Variants in PCNX1 observed in about 807,000 individuals in gnomAD.
PCNX1 encodes pecanex 1.
In PCNX1, 78 loss-of-function variants were observed where a neutral mutation model predicts 242.2. The observed-to-expected ratio is 0.32, with a 90% CI of 0.27 to 0.39. The LOEUF is 0.39. PCNX1 is among the 10% of genes least tolerant of loss of function. PCNX1 has a pLI of 1.00. For missense variants in PCNX1, 2,581 were observed against 2,856.5 expected (o/e 0.90, Z 2.20); for synonymous variants, 1,024 against 1,032.9 (o/e 0.99, Z 0.17).
chr14:71,079,462 C>T (rs1417431132), intron 28 of PCNX1, among the ~76,000 whole-genome samples: 1 of 152,204 alleles, frequency 6.6e-6, no homozygotes, highest in Admixed American at 6.5e-5. Flanking sequence ...CTCCTACCAA[C>T]AGTGTAAAAG....
chr14:70,966,094 G>A (rs1339938071), intron 3 of PCNX1, among the ~76,000 whole-genome samples: 1 of 152,066 alleles, frequency 6.6e-6, no homozygotes, highest in Non-Finnish European at 1.5e-5. Context: ...GACACTTTGG[G>A]GAATGCATTG....
chr14:71,062,923 A>G (rs1321434242), intron 26 of PCNX1, among the ~76,000 whole-genome samples: 3 of 152,168 alleles, frequency 2.0e-5, no homozygotes, highest in Non-Finnish European at 4.4e-5. Flanking sequence ...GATACCTACC[A>G]TTGTATTACC....
At chr14:70,974,495 A>G (rs1356016737) in intron 5 of PCNX1, among the ~76,000 whole-genome samples, 3 of 152,160 alleles carry the variant, frequency 2.0e-5, no homozygotes, top group African/African-American at 7.2e-5. Flanking sequence ...AAATGTTTTT[A>G]GTGCCTGTAT....
chr14:71,105,157 A>G, intron 32 of PCNX1, 78 bp from the exon 33 acceptor site: 1 of 1,081,898 alleles, frequency 9.2e-7, no homozygotes, highest in East Asian at 2.4e-5. Flanking sequence ...TGCAGTTCAG[A>G]ATAGCTGGAA....
chr14:70,938,506 T>C (rs997350938), intron 1 of PCNX1, among the ~76,000 whole-genome samples: 1 of 152,218 alleles, frequency 6.6e-6, no homozygotes, highest in Non-Finnish European at 1.5e-5. Context: ...GATAAGCTTT[T>C]TGATGTGCTG....
rs372546535 is a variant in PCNX1 at position 70,988,685 on chromosome 14, C to G, written c.2430C>G (p.Ile810Met). The change falls in exon 7 of 36, where the codon ATC becomes ATG. Residue 810 changes from isoleucine (I) to methionine (M), a missense_variant. Physicochemically the swap from Ile to Met is conservative, Grantham distance 10. Transcript: ENST00000304743. ...ACCCTACCCCTCCTACATTGCTCAT[C>G]GGATCACCCCTAAGGTATGGTATTT... The part of the protein sequence containing the change: ...GSNPTPPTLL[I>M]GSPLSLQDGQ... The G allele has an allele frequency of 6.2e-7, 1 of 1,613,840 alleles. No homozygotes were observed. The highest frequency in any genetic ancestry group is 8.5e-7 in the Non-Finnish European group (1 of 1,179,828).
intron 2 of PCNX1, among the ~76,000 whole-genome samples, chr14:70,953,656 T>C (rs367547387): frequency 2.5e-4 from 32 of 125,728 alleles, no homozygotes; most frequent in African/African-American, 9.5e-4. Flanking sequence ...TTTTGTGTTT[T>C]TTTCTTTCTT....
Position 71,019,172 on chromosome 14 carries a change from T to A in PCNX1, c.3150+10T>A, listed in dbSNP as rs772448506. On this transcript the variant is annotated intron_variant, in intron 12 of 35. Transcript: ENST00000304743. Reference sequence around the variant, plus strand: ...ATACTCACTGCTTAAGGTACCAGCATCTCTTCTTTTCATGCTACGGAATTA... The same window carrying A: ...ATACTCACTGCTTAAGGTACCAGCAACTCTTCTTTTCATGCTACGGAATTA... 1 of 1,588,968 alleles carries A rather than the reference T, an allele frequency of 6.3e-7. No individual in the cohort carries two copies. Among genetic ancestry groups the A allele is most frequent in the South Asian group, 1.2e-5 (1 of 85,698 alleles).
intron 19 of PCNX1, among the ~76,000 whole-genome samples, chr14:71,042,051 G>T (rs2060722267): frequency 6.6e-6 from 1 of 152,016 alleles, no homozygotes; most frequent in Non-Finnish European, 1.5e-5. Flanking sequence ...AACTTTATAT[G>T]ATTTCAATTT....
At chr14:71,009,150 C>A (rs1217095334) in intron 8 of PCNX1, among the ~76,000 whole-genome samples, 4 of 152,186 alleles carry the variant, frequency 2.6e-5, no homozygotes, top group African/African-American at 9.7e-5. Flanking sequence ...CTAGCTCTTT[C>A]CATTCACTGA....
At chr14:71,048,432 C>T (rs1271911577) in intron 22 of PCNX1, among the ~76,000 whole-genome samples, 1 of 152,110 alleles carries the variant, frequency 6.6e-6, no homozygotes, top group Non-Finnish European at 1.5e-5. Flanking sequence ...TAGGCTTCTG[C>T]TAAAATTCAT....
intron 2 of PCNX1, among the ~76,000 whole-genome samples, chr14:70,958,898 CTTTTTTTTT>C (rs56362741): frequency 2.1e-4 from 14 of 66,402 alleles, no homozygotes; most frequent in Admixed American, 7.2e-4. Flanking sequence ...TTTGGGGTTG[CTTTTTTTTT>C]TTTTTTTTTT....
chr14:71,105,235 G>A lies in PCNX1; in HGVS notation c.6096G>A (p.Arg2032=). 1 of 1,612,698 alleles carries A rather than the reference G, an allele frequency of 6.2e-7. No homozygotes were observed. Among genetic ancestry groups the A allele is most frequent in the Non-Finnish European group, 8.5e-7 (1 of 1,178,798 alleles). Residue 2032 remains arginine, a splice_region_variant and synonymous_variant, in exon 33 of 36, where the codon AGG becomes AGA. Coordinates refer to ENST00000304743, the MANE Select transcript of PCNX1 (RefSeq NM_014982.3). Reference sequence around the variant, plus strand: ...TTCCTACTCTGGTATTTGTTCCTAGGCTTAGGAAAGGTTGCGGAGCTGGAT... The same window carrying A: ...TTCCTACTCTGGTATTTGTTCCTAGACTTAGGAAAGGTTGCGGAGCTGGAT... The part of the protein sequence containing the change: ...IRNFIVSTWH[R]LRKGCGAGCN...
At position 71,108,606 on chromosome 14, in the gene PCNX1, A is replaced by G; in HGVS notation, c.6304A>G (p.Thr2102Ala). ...AGTGCTGCTGTTTCTCCTCCTAGGC[A>G]CTAGCCACAGCTCTCACTCTGTGCA... Reference protein sequence around the residue: ...PVTSYPPTLGTSHSSHSVQSG... With the variant: ...PVTSYPPTLGASHSSHSVQSG... Residue 2102 changes from threonine (T) to alanine (A), a missense_variant and splice_region_variant, in exon 34 of 36, where the codon ACT becomes GCT. Physicochemically the swap from Thr to Ala is moderately conservative, Grantham distance 58. This residue lies in a region of PCNX1 where 432 missense variants were observed against 433.6 expected (regional missense o/e 1.00). Coordinates refer to ENST00000304743, the MANE Select transcript of PCNX1 (RefSeq NM_014982.3). 1.9e-6 allele frequency: 3 copies of G among 1,604,294 alleles called. No homozygotes were observed. Among genetic ancestry groups the G allele is most frequent in the Non-Finnish European group, 1.7e-6 (2 of 1,173,086 alleles).
At chr14:71,026,698 A>G (rs2060252008) in intron 14 of PCNX1, 74 bp from the exon 15 acceptor site, 3 of 615,324 alleles carry the variant, frequency 4.9e-6, no homozygotes, top group Non-Finnish European at 8.1e-6. Context: ...ATTTTTAAAA[A>G]TTATGACCTC....
chr14:71,042,418 C>T (rs1160523815), intron 19 of PCNX1, among the ~76,000 whole-genome samples: 6 of 151,910 alleles, frequency 3.9e-5, no homozygotes, highest in South Asian at 4.1e-4. Flanking sequence ...TATTATATAA[C>T]GACCTTCTTT....
At chr14:71,063,238 C>A (rs746152767) in intron 26 of PCNX1, among the ~76,000 whole-genome samples, 1 of 152,182 alleles carries the variant, frequency 6.6e-6, no homozygotes, top group African/African-American at 2.4e-5. Flanking sequence ...CATACACATT[C>A]TCTGTTGCAT....
At chr14:70,959,045 G>T (rs1482964934) in intron 2 of PCNX1, among the ~76,000 whole-genome samples, 4 of 142,992 alleles carry the variant, frequency 2.8e-5, no homozygotes, top group East Asian at 2.1e-4. Flanking sequence ...ATTATATATA[G>T]ACTATTGACT....
chr14:71,059,834 A>G (rs1257118432), intron 26 of PCNX1, among the ~76,000 whole-genome samples: 1 of 152,122 alleles, frequency 6.6e-6, no homozygotes, highest in Non-Finnish European at 1.5e-5. Flanking sequence ...CAGTTTCTCC[A>G]TCCTCACTTT....
Sources: gnomAD v4.1 joint callset for allele counts (sites outside exome capture counted in the v4.1 genomes callset) on GRCh38, gnomAD v4.1.1 for gene constraint, gnomAD v4.1.1 regional missense constraint, MANE v1.5 for transcripts, NCBI Gene and HGNC (gene_info 2026-07-23, HGNC 2026-07-21) for gene names.